Variants in SLC16A7 observed in about 807,000 individuals in gnomAD.
SLC16A7 encodes the protein monocarboxylate transporter 2.
In SLC16A7, 33 loss-of-function variants were observed where a neutral mutation model predicts 34.9. The ratio of observed to expected loss-of-function variants is 0.94; its 90% confidence interval spans 0.72 to 1.26. The LOEUF (loss-of-function observed/expected upper bound fraction) is 1.26. Among genes scored for constraint, SLC16A7 ranks in the 50% most tolerant of loss-of-function variants. SLC16A7 has a pLI of 0.00. For missense variants in SLC16A7, 573 were observed against 578.1 expected (o/e 0.99, Z 0.09); for synonymous variants, 201 against 206.6 (o/e 0.97, Z 0.23).
intron 3 of SLC16A7, among the ~76,000 whole-genome samples, chr12:59,708,421 T>G (rs1355392760): frequency 6.6e-6 from 1 of 152,140 alleles, no homozygotes; most frequent in African/African-American, 2.4e-5. Flanking sequence ...TAGAAGAAAA[T>G]CACTATTTGA....
At chr12:59,770,517 A>G (rs1159815045) in intron 3 of SLC16A7, among the ~76,000 whole-genome samples, 2 of 152,210 alleles carry the variant, frequency 1.3e-5, no homozygotes, top group Non-Finnish European at 2.9e-5. Flanking sequence ...GCTCCTTAAA[A>G]GGTTCTACTG....
chr12:59,681,516 A>C (rs1870748372), intron 2 of SLC16A7, among the ~76,000 whole-genome samples: 1 of 152,158 alleles, frequency 6.6e-6, no homozygotes, highest in African/African-American at 2.4e-5. Flanking sequence ...TGCTTCAAAA[A>C]ATTGTGGAAC....
At chr12:59,650,374 C>T (rs1439818978) in intron 1 of SLC16A7, among the ~76,000 whole-genome samples, 1 of 152,070 alleles carries the variant, frequency 6.6e-6, no homozygotes, top group Non-Finnish European at 1.5e-5. Flanking sequence ...GATGCATATC[C>T]ATTTGGTGTC....
At chr12:59,597,258 C>T (rs1160447475) in intron 1 of SLC16A7, 1 of 152,330 alleles carries the variant, frequency 6.6e-6, no homozygotes, top group Non-Finnish European at 1.5e-5. Context: ...CACACACACA[C>T]ACACACACAC....
intron 4 of SLC16A7, among the ~76,000 whole-genome samples, chr12:59,772,440 T>G (rs909065199): frequency 6.6e-6 from 1 of 152,092 alleles, no homozygotes; most frequent in African/African-American, 2.4e-5. Context: ...GAAAAGATGA[T>G]TTTGTTATTT....
At chr12:59,673,206 AC>A (rs1870031485) in intron 2 of SLC16A7, among the ~76,000 whole-genome samples, 1 of 152,172 alleles carries the variant, frequency 6.6e-6, no homozygotes, top group African/African-American at 2.4e-5. Context: ...AATGAAGCTA[AC>A]CTCTTGAACA....
At chr12:59,759,077 C>T (rs1175705564) in intron 3 of SLC16A7, among the ~76,000 whole-genome samples, 1 of 151,922 alleles carries the variant, frequency 6.6e-6, no homozygotes, top group Non-Finnish European at 1.5e-5. Flanking sequence ...TAATCTACTA[C>T]TACATATACT....
intron 2 of SLC16A7, among the ~76,000 whole-genome samples, chr12:59,668,737 G>A (rs1469882268): frequency 1.3e-5 from 2 of 152,168 alleles, no homozygotes; most frequent in African/African-American, 4.8e-5. Context: ...ATGAAATTTG[G>A]AAGGGGCTAG....
chr12:59,778,511 C>G (rs886761033), intron 5 of SLC16A7, among the ~76,000 whole-genome samples: 1 of 152,078 alleles, frequency 6.6e-6, no homozygotes. Flanking sequence ...TTTGTATACA[C>G]TAAATTTTGC....
chr12:59,766,709 G>T (rs1215858447), intron 3 of SLC16A7, among the ~76,000 whole-genome samples: 2 of 152,112 alleles, frequency 1.3e-5, no homozygotes, highest in South Asian at 4.2e-4. Flanking sequence ...TAAGCTTTTT[G>T]ATGTGCTGCT....
At chr12:59,777,914 G>A (rs1159618455) in intron 5 of SLC16A7, among the ~76,000 whole-genome samples, 2 of 149,008 alleles carry the variant, frequency 1.3e-5, no homozygotes, top group Non-Finnish European at 1.5e-5. Context: ...TTGGTTTTTT[G>A]TTCTTGCGAT....
intron 2 of SLC16A7, among the ~76,000 whole-genome samples, chr12:59,671,945 G>A (rs367741616): frequency 0.46 from 4,519 of 9,766 alleles, 1,971 homozygotes; most frequent in East Asian, 0.91. Flanking sequence ...ATGTATATAT[G>A]TGTATATATG....
intron 2 of SLC16A7, among the ~76,000 whole-genome samples, chr12:59,691,222 A>G (rs1871609680): frequency 6.6e-6 from 1 of 152,042 alleles, no homozygotes; most frequent in African/African-American, 2.4e-5. Context: ...ATTAATATAC[A>G]TAGAAAGTTT....
intron 1 of SLC16A7, among the ~76,000 whole-genome samples, chr12:59,620,679 T>C (rs1190207519): frequency 6.6e-6 from 1 of 151,810 alleles, no homozygotes; most frequent in Non-Finnish European, 1.5e-5. Flanking sequence ...AAAGAAATGA[T>C]TGAGAGCCTG....
intron 2 of SLC16A7, among the ~76,000 whole-genome samples, chr12:59,677,757 T>C (rs938390438): frequency 1.9e-4 from 29 of 152,226 alleles, no homozygotes; most frequent in African/African-American, 6.3e-4. Context: ...AACCAGTAAG[T>C]AATTTTGAAA....
chr12:59,767,986 T>A, intron 3 of SLC16A7: 1 of 336,854 alleles, frequency 3.0e-6, no homozygotes, highest in Non-Finnish European at 5.9e-6. Flanking sequence ...GAGATATACC[T>A]AATGTAAATG....
chr12:59,722,543 C>G (rs61933773), intron 3 of SLC16A7, among the ~76,000 whole-genome samples: 10,342 of 151,938 alleles, frequency 0.068, 492 homozygotes, highest in Middle Eastern at 0.17. Flanking sequence ...CTCCCTTTTG[C>G]TCACTCTGCT....
intron 3 of SLC16A7, among the ~76,000 whole-genome samples, chr12:59,730,236 C>A (rs927894232): frequency 4.0e-5 from 6 of 151,184 alleles, no homozygotes; most frequent in Non-Finnish European, 8.8e-5. Flanking sequence ...ACTTCTGACT[C>A]ATATTTAGGC....
chr12:59,748,283 C>A (rs944497487), intron 3 of SLC16A7, among the ~76,000 whole-genome samples: 10 of 152,252 alleles, frequency 6.6e-5, no homozygotes, highest in African/African-American at 2.4e-4. Flanking sequence ...CCACCATCCA[C>A]AGTGCAGAAA....
Sources: gnomAD v4.1 joint callset for allele counts (sites outside exome capture counted in the v4.1 genomes callset) on GRCh38, gnomAD v4.1.1 for gene constraint, MANE v1.5 for transcripts, NCBI Gene and HGNC (gene_info 2026-07-23, HGNC 2026-07-21) for gene names.